The following DAB1 variants were observed in gnomAD, a reference collection of about 807,000 sequenced individuals.
The protein encoded by DAB1 is DAB adaptor protein 1, also known as disabled homolog 1.
DAB1 carries 15 observed loss-of-function variants against 64.6 expected under a neutral mutation model. The ratio of observed to expected loss-of-function variants is 0.23; its 90% CI spans 0.16 to 0.36. The LOEUF (loss-of-function observed/expected upper bound fraction) is 0.36, where lower values mean the gene tolerates loss of function less well. Ranked by LOEUF, DAB1 falls within the 10% of genes least tolerant of loss-of-function variation. DAB1 has a pLI of 1.00. For missense variants in DAB1, 596 were observed against 706.7 expected (o/e 0.84, Z 1.78); for synonymous variants, 235 against 251.9 (o/e 0.93, Z 0.64).
intron 5 of DAB1, among the ~76,000 whole-genome samples, chr1:58,122,235 C>T (rs1216887753): frequency 2.0e-5 from 3 of 152,160 alleles, no homozygotes; most frequent in Non-Finnish European, 4.4e-5. Flanking sequence ...AATAGTGCCA[C>T]CATTGCATTA....
intron 4 of DAB1, chr1:58,228,995 G>T (rs1218440967): frequency 4.7e-6 from 2 of 429,732 alleles, no homozygotes; most frequent in Non-Finnish European, 9.1e-6. Context: ...CGAAGCCCCT[G>T]TCCCACCTGG....
chr1:57,014,186 G>C (rs1432654851), intron 12 of DAB1, among the ~76,000 whole-genome samples: 1 of 152,160 alleles, frequency 6.6e-6, no homozygotes, highest in African/African-American at 2.4e-5. Flanking sequence ...TAGAAATAAA[G>C]TGCTTTGCCA....
At chr1:57,649,740 A>G (rs886664284) in intron 6 of DAB1, 8 of 152,242 alleles carry the variant, frequency 5.3e-5, no homozygotes, top group African/African-American at 1.9e-4. Flanking sequence ...CTTCTCTCTC[A>G]GTAAAGAAAC....
chr1:58,451,880 T>C lies in DAB1; in HGVS notation n.257+54180A>G, dbSNP rs112135723. 3.8e-3 allele frequency among the ~76,000 whole-genome samples: 579 copies of C among 151,248 alleles called. 5 individuals are homozygous for C. The highest frequency in any genetic ancestry group is 0.014 in the African/African-American group (567 of 41,286). On this transcript the variant is annotated intron_variant and non_coding_transcript_variant, in intron 3 of 20. Coordinates refer to the DAB1 transcript ENST00000485760. ...CAGAAAAATATAAAGAAGTCTCAAATCTCAACAGTAAGAAGCAAAGCATCC... is the reference window on the plus strand; with the variant it reads ...CAGAAAAATATAAAGAAGTCTCAAACCTCAACAGTAAGAAGCAAAGCATCC...
chr1:57,752,313 A>G (rs557941090), intron 6 of DAB1, among the ~76,000 whole-genome samples: 1 of 152,208 alleles, frequency 6.6e-6, no homozygotes, highest in Non-Finnish European at 1.5e-5. Context: ...TTTTCAACCC[A>G]TATATACACC....
intron 7 of DAB1, among the ~76,000 whole-genome samples, chr1:57,511,676 A>G (rs945647907): frequency 7.2e-5 from 11 of 152,178 alleles, no homozygotes; most frequent in African/African-American, 2.7e-4. Flanking sequence ...TGTTCACTCT[A>G]TATCCCTAAA....
intron 2 of DAB1, among the ~76,000 whole-genome samples, chr1:57,156,043 G>A (rs930994574): frequency 1.3e-5 from 2 of 152,068 alleles, no homozygotes; most frequent in South Asian, 2.1e-4. Flanking sequence ...GGATCATGGG[G>A]AACCCTGTAG....
At chr1:58,480,538 G>A (rs1435732247) in intron 3 of DAB1, among the ~76,000 whole-genome samples, 1 of 151,926 alleles carries the variant, frequency 6.6e-6, no homozygotes, top group Non-Finnish European at 1.5e-5. Context: ...CCACCCCAAT[G>A]CAAACTATTT....
At chr1:58,383,805 A>G (rs1363825163) in intron 3 of DAB1, among the ~76,000 whole-genome samples, 1 of 152,192 alleles carries the variant, frequency 6.6e-6, no homozygotes. Context: ...GGTTGTTTCC[A>G]TATCTTGGCT....
chr1:57,675,393 A>G (rs1646554280), intron 6 of DAB1, among the ~76,000 whole-genome samples: 1 of 152,206 alleles, frequency 6.6e-6, no homozygotes, highest in African/African-American at 2.4e-5. Context: ...TCGTGATAAA[A>G]TAAGTGTCAG....
chr1:57,578,666 G>A (rs770089921), intron 7 of DAB1, among the ~76,000 whole-genome samples: 6 of 152,160 alleles, frequency 3.9e-5, no homozygotes, highest in Non-Finnish European at 5.9e-5. Flanking sequence ...TAAATTCCTC[G>A]TGTTTGCCAA....
intron 7 of DAB1, among the ~76,000 whole-genome samples, chr1:57,576,940 G>A (rs911212696): frequency 6.6e-6 from 1 of 152,162 alleles, no homozygotes; most frequent in Non-Finnish European, 1.5e-5. Context: ...TACTGTGGCT[G>A]CTTCCCAGCT....
At chr1:58,108,870 T>C (rs1651812261) in intron 5 of DAB1, among the ~76,000 whole-genome samples, 1 of 152,142 alleles carries the variant, frequency 6.6e-6, no homozygotes, top group Non-Finnish European at 1.5e-5. Flanking sequence ...CACTCTTAAG[T>C]AGAGATACTA....
At chr1:57,810,462 T>C (rs1030283732) in intron 6 of DAB1, among the ~76,000 whole-genome samples, 1 of 151,636 alleles carries the variant, frequency 6.6e-6, no homozygotes, top group African/African-American at 2.4e-5. Flanking sequence ...TGTGTGGGAG[T>C]AGGTTGGGAG....
chr1:57,343,647 T>C (rs2113455), intron 1 of DAB1, among the ~76,000 whole-genome samples: 151,165 of 152,316 alleles, frequency 0.99, 75,025 homozygotes, highest in East Asian at 1. Context: ...GCTGCTGGCC[T>C]AGGTGCTAAG....
At chr1:58,404,709 T>C (rs990255979) in intron 3 of DAB1, among the ~76,000 whole-genome samples, 2 of 152,162 alleles carry the variant, frequency 1.3e-5, no homozygotes, top group African/African-American at 4.8e-5. Flanking sequence ...GTTCAAATGG[T>C]GTGTATGATG....
chr1:57,993,104 ACCCT>A, intron 5 of DAB1, among the ~76,000 whole-genome samples: 1 of 152,176 alleles, frequency 6.6e-6, no homozygotes, highest in South Asian at 2.1e-4. Context: ...TTTCCTATTG[ACCCT>A]CACTTAACAC....
chr1:57,265,436 T>C (rs1422065714), intron 2 of DAB1, among the ~76,000 whole-genome samples: 1 of 152,220 alleles, frequency 6.6e-6, no homozygotes, highest in Non-Finnish European at 1.5e-5. Context: ...TCCCCCTCCC[T>C]GTTCTTTTAG....
chr1:57,680,090 G>A (rs930460504), intron 6 of DAB1, among the ~76,000 whole-genome samples: 5 of 152,150 alleles, frequency 3.3e-5, no homozygotes, highest in African/African-American at 7.2e-5. Flanking sequence ...ATGCAATTAC[G>A]GTCTTACAGT....
Sources: gnomAD v4.1 joint callset for allele counts (sites outside exome capture counted in the v4.1 genomes callset) on GRCh38, gnomAD v4.1.1 for gene constraint, MANE v1.5 for transcripts, NCBI Gene and HGNC (gene_info 2026-07-23, HGNC 2026-07-21) for gene names.